BMPR1B: variants seen among roughly 807,000 people sequenced by gnomAD.
BMPR1B encodes the protein bone morphogenetic protein receptor type 1B.
A neutral mutation model predicts 59.1 loss-of-function variants in BMPR1B; 12 were observed. The observed-to-expected ratio is 0.20, with a 90% CI of 0.13 to 0.33. BMPR1B has a LOEUF of 0.33. Ranked by LOEUF, BMPR1B falls within the 10% of genes least tolerant of loss-of-function variation. BMPR1B has a pLI of 1.00. For missense variants in BMPR1B, 550 were observed against 610.9 expected (o/e 0.90, Z 1.05); for synonymous variants, 237 against 207.3 (o/e 1.14, Z -1.23).
chr4:94,836,949 A>C (rs1724843164), intron 1 of BMPR1B, among the ~76,000 whole-genome samples: 1 of 146,616 alleles, frequency 6.8e-6, no homozygotes, highest in Non-Finnish European at 1.5e-5. Context: ...GGTGTAAGGA[A>C]GGGATCCAGT....
chr4:95,107,666 A>C (rs1372904613), intron 4 of BMPR1B, among the ~76,000 whole-genome samples: 1 of 152,082 alleles, frequency 6.6e-6, no homozygotes, highest in East Asian at 1.9e-4. Context: ...TTGCTAGGTG[A>C]GAATTCCGAG....
intron 2 of BMPR1B, among the ~76,000 whole-genome samples, chr4:94,980,864 G>A (rs1417612746): frequency 6.6e-6 from 1 of 152,112 alleles, no homozygotes; most frequent in African/African-American, 2.4e-5. Context: ...GCGTGGTGGT[G>A]CGGTCCTGTA....
chr4:94,819,103 T>TC (rs1366466668), intron 1 of BMPR1B, among the ~76,000 whole-genome samples: 3 of 152,140 alleles, frequency 2.0e-5, no homozygotes, highest in Admixed American at 2.0e-4. Context: ...GCTACTGCAC[T>TC]CCAGCCAGGG....
chr4:95,071,652 GTATATATATATATATA>G (rs58148216), intron 3 of BMPR1B, among the ~76,000 whole-genome samples: 1 of 84,342 alleles, frequency 1.2e-5, no homozygotes, highest in Non-Finnish European at 2.5e-5. Flanking sequence ...GTGTGTGTGT[GTATATATATATATATA>G]TATATATATA....
At chr4:94,882,580 T>C (rs1359988235) in intron 2 of BMPR1B, among the ~76,000 whole-genome samples, 1 of 152,218 alleles carries the variant, frequency 6.6e-6, no homozygotes, top group Non-Finnish European at 1.5e-5. Flanking sequence ...AATCCTCTTT[T>C]TGCAGATGAA....
chr4:94,958,434 T>C (rs1489342854), intron 2 of BMPR1B, among the ~76,000 whole-genome samples: 4 of 152,002 alleles, frequency 2.6e-5, no homozygotes, highest in African/African-American at 9.7e-5. Flanking sequence ...GTCCATAGGG[T>C]TGGGTTCTTG....
intron 1 of BMPR1B, among the ~76,000 whole-genome samples, chr4:94,810,064 C>G (rs1723754623): frequency 6.6e-6 from 1 of 152,142 alleles, no homozygotes; most frequent in Admixed American, 6.5e-5. Context: ...TGGCACAGTC[C>G]TTTTTGTTTC....
chr4:95,135,323 T>G (rs1356769545), intron 10 of BMPR1B, among the ~76,000 whole-genome samples: 4 of 152,202 alleles, frequency 2.6e-5, no homozygotes, highest in Non-Finnish European at 5.9e-5. Context: ...TCTTTTGGCT[T>G]AGGATTGACT....
chr4:95,134,894 T>G (rs913266811), intron 10 of BMPR1B, among the ~76,000 whole-genome samples: 48 of 152,360 alleles, frequency 3.2e-4, no homozygotes, highest in African/African-American at 1.1e-3. Flanking sequence ...TTTTGGCTTT[T>G]GTTGCCATTG....
chr4:95,054,951 C>T (rs149094309), intron 3 of BMPR1B, among the ~76,000 whole-genome samples: 4 of 152,070 alleles, frequency 2.6e-5, no homozygotes, highest in Non-Finnish European at 5.9e-5. Flanking sequence ...AATTTTTCCC[C>T]TATAAAATAA....
intron 2 of BMPR1B, among the ~76,000 whole-genome samples, chr4:94,947,137 C>T (rs1255514904): frequency 2.0e-5 from 3 of 152,092 alleles, no homozygotes; most frequent in South Asian, 2.1e-4. Flanking sequence ...TTTAGTAAAA[C>T]GGATGTGAGG....
chr4:95,106,154 G>C (rs1417083193), intron 4 of BMPR1B, among the ~76,000 whole-genome samples: 1 of 152,034 alleles, frequency 6.6e-6, no homozygotes, highest in South Asian at 2.1e-4. Flanking sequence ...TCAGGGAGTA[G>C]GAACAGTAGA....
At chr4:94,760,715 T>C (rs1252453969) in intron 1 of BMPR1B, among the ~76,000 whole-genome samples, 4 of 152,206 alleles carry the variant, frequency 2.6e-5, no homozygotes, top group African/African-American at 4.8e-5. Context: ...TGGACTGTTA[T>C]CTCATTGAGG....
At chr4:94,835,816 AGTT>A (rs1724786153) in intron 1 of BMPR1B, among the ~76,000 whole-genome samples, 2 of 151,924 alleles carry the variant, frequency 1.3e-5, no homozygotes, top group African/African-American at 4.8e-5. Flanking sequence ...TGTGCAGGTT[AGTT>A]ACATATGTAT....
chr4:94,997,624 G>A (rs1722151805), intron 3 of BMPR1B, among the ~76,000 whole-genome samples: 1 of 151,976 alleles, frequency 6.6e-6, no homozygotes, highest in South Asian at 2.1e-4. Context: ...GTGAATCTTT[G>A]TACTTCTTCC....
At chr4:94,883,107 T>C (rs1326775666) in intron 2 of BMPR1B, among the ~76,000 whole-genome samples, 2 of 152,048 alleles carry the variant, frequency 1.3e-5, no homozygotes. Context: ...CCAGAGAGCC[T>C]TGAAAATAGA....
At chr4:94,895,663 T>G (rs1727556478) in intron 2 of BMPR1B, among the ~76,000 whole-genome samples, 1 of 148,642 alleles carries the variant, frequency 6.7e-6, no homozygotes, top group African/African-American at 2.5e-5. Context: ...ATGAGGTGTG[T>G]GACATCTTTT....
At chr4:94,773,926 A>G (rs1722275948) in intron 1 of BMPR1B, among the ~76,000 whole-genome samples, 1 of 152,044 alleles carries the variant, frequency 6.6e-6, no homozygotes, top group Non-Finnish European at 1.5e-5. Context: ...TTCTTTTCCT[A>G]AAATATTATG....
At chr4:94,836,689 T>G (rs556301846) in intron 1 of BMPR1B, among the ~76,000 whole-genome samples, 9 of 147,306 alleles carry the variant, frequency 6.1e-5, no homozygotes, top group African/African-American at 2.3e-4. Flanking sequence ...TTGCGAAGAT[T>G]TTCTCCCATT....
Sources: gnomAD v4.1 joint callset for allele counts (sites outside exome capture counted in the v4.1 genomes callset) on GRCh38, gnomAD v4.1.1 for gene constraint, MANE v1.5 for transcripts, NCBI Gene and HGNC (gene_info 2026-07-23, HGNC 2026-07-21) for gene names.